Variants in PBX1 observed in about 807,000 individuals in gnomAD.
PBX1 encodes the protein PBX homeobox 1, also known as pre-B-cell leukemia transcription factor 1.
PBX1 carries 6 observed loss-of-function variants against 53.4 expected under a neutral mutation model. The observed-to-expected ratio is 0.11, with a 90% CI of 0.06 to 0.22. The LOEUF is 0.22. Among genes scored for constraint, PBX1 ranks in the 10% least tolerant of loss-of-function variants. The probability of loss-of-function intolerance (pLI) is 1.00; values close to 1 mark genes in which losing one functional copy is unlikely to be tolerated. For synonymous variants in PBX1, 204 were observed against 212.3 expected, an observed-to-expected ratio of 0.96 and a Z score of 0.34; for missense variants, 251 against 551.4, an observed-to-expected ratio of 0.46 and a Z score of 5.46.
chr1:164,691,972 A>T (rs1019430342), intron 2 of PBX1, among the ~76,000 whole-genome samples: 3 of 152,232 alleles, frequency 2.0e-5, no homozygotes, highest in Non-Finnish European at 4.4e-5. Context: ...CTGTGTGTAA[A>T]CTATATGAGA....
chr1:164,848,610 T>C lies in PBX1; in HGVS notation c.*1934T>C, dbSNP rs1194517497. The stretch of plus-strand genomic sequence containing the variant: ...GATCTTCTTGGTTTTGGTCTGTCTC[T>C]TTTCTTAGGATAAAGAAAAACTTCC... On this transcript the variant is annotated 3_prime_UTR_variant, in exon 9 of 9. Coordinates refer to ENST00000420696, the MANE Select transcript of PBX1 (RefSeq NM_002585.4). 9.5e-7 allele frequency: 1 copy of C among 1,057,444 alleles called. No homozygotes were observed. Among genetic ancestry groups the C allele is most frequent in the African/African-American group, 1.6e-5 (1 of 60,654 alleles). 65.5% of individuals were successfully genotyped at this position (1,057,444 alleles called of 1,614,324 possible).
chr1:164,770,454 T>C (rs547304406), intron 2 of PBX1: 1 of 152,364 alleles, frequency 6.6e-6, no homozygotes, highest in South Asian at 2.1e-4. Flanking sequence ...TTCTTGACCA[T>C]TGCAGGCTAG....
At chr1:164,772,656 C>T (rs1051500685) in intron 2 of PBX1, among the ~76,000 whole-genome samples, 2 of 152,186 alleles carry the variant, frequency 1.3e-5, no homozygotes, top group African/African-American at 2.4e-5. Flanking sequence ...CCTCCTTACA[C>T]CTTAAAAGGG....
chr1:164,714,973 G>A (rs1413340535), intron 2 of PBX1, among the ~76,000 whole-genome samples: 3 of 150,706 alleles, frequency 2.0e-5, no homozygotes, highest in Admixed American at 1.3e-4. Context: ...CCATGCCACT[G>A]TTTATTCATC....
intron 2 of PBX1, among the ~76,000 whole-genome samples, chr1:164,655,552 G>C (rs181480726): frequency 1.3e-5 from 2 of 152,256 alleles, no homozygotes; most frequent in East Asian, 3.9e-4. Context: ...AATCTTCCAA[G>C]GATGACCACC....
chr1:164,753,755 T>C (rs1666347410), intron 2 of PBX1, among the ~76,000 whole-genome samples: 1 of 152,214 alleles, frequency 6.6e-6, no homozygotes, highest in African/African-American at 2.4e-5. Context: ...TGGATTGCTC[T>C]GTTACTCCTC....
chr1:164,584,958 C>G (rs970828616), intron 2 of PBX1, among the ~76,000 whole-genome samples: 8 of 152,122 alleles, frequency 5.3e-5, no homozygotes, highest in African/African-American at 1.9e-4. Flanking sequence ...CAGTTTTCCT[C>G]CCATCAGATG....
chr1:164,672,297 C>G (rs940420227), intron 2 of PBX1, among the ~76,000 whole-genome samples: 3 of 152,174 alleles, frequency 2.0e-5, no homozygotes, highest in African/African-American at 7.2e-5. Context: ...CCAGTAATCT[C>G]TCGACCCCAT....
At chr1:164,784,136 T>TCCTGGC (rs1204046816) in intron 2 of PBX1, among the ~76,000 whole-genome samples, 1 of 152,190 alleles carries the variant, frequency 6.6e-6, no homozygotes, top group Non-Finnish European at 1.5e-5. Context: ...CTGGTCCTGG[T>TCCTGGC]CCTGGCCTTC....
At chr1:164,689,121 C>T (rs1228993861) in intron 2 of PBX1, among the ~76,000 whole-genome samples, 1 of 152,226 alleles carries the variant, frequency 6.6e-6, no homozygotes, top group East Asian at 1.9e-4. Flanking sequence ...TTAATGTCCC[C>T]TCATTGCTGG....
chr1:164,571,873 G>GTGTATA (rs1252010429), intron 2 of PBX1, among the ~76,000 whole-genome samples: 11 of 29,896 alleles, frequency 3.7e-4, no homozygotes, highest in African/African-American at 7.8e-4. Context: ...TCTGTACATT[G>GTGTATA]TATATATATA....
intron 2 of PBX1, among the ~76,000 whole-genome samples, chr1:164,791,571 G>T (rs904203187): frequency 8.5e-5 from 13 of 152,298 alleles, no homozygotes; most frequent in African/African-American, 3.1e-4. Context: ...CGTTCCACAT[G>T]TACTGGATTT....
At chr1:164,708,680 T>G (rs1320172720) in intron 2 of PBX1, among the ~76,000 whole-genome samples, 1 of 152,226 alleles carries the variant, frequency 6.6e-6, no homozygotes, top group Non-Finnish European at 1.5e-5. Context: ...GTTAAATCAC[T>G]TAGGATAATG....
downstream of PBX1, among the ~76,000 whole-genome samples, chr1:164,852,047 G>T (rs1671865405): frequency 6.6e-6 from 1 of 152,142 alleles, no homozygotes; most frequent in African/African-American, 2.4e-5. Context: ...AACAATAGCT[G>T]TATTACAGAG....
chr1:164,738,035 G>A (rs1352056049), intron 2 of PBX1, among the ~76,000 whole-genome samples: 1 of 152,022 alleles, frequency 6.6e-6, no homozygotes, highest in Non-Finnish European at 1.5e-5. Context: ...CTTTTCATGT[G>A]TAATCTAAAA....
At chr1:164,860,097 T>C (rs986343250) in intron 2 of PBX1, among the ~76,000 whole-genome samples, 5 of 152,172 alleles carry the variant, frequency 3.3e-5, no homozygotes, top group African/African-American at 9.7e-5. Context: ...CTTCAAATCA[T>C]CTAGCTTCAA....
At chr1:164,613,508 TC>T (rs1254614072) in intron 2 of PBX1, among the ~76,000 whole-genome samples, 1 of 152,094 alleles carries the variant, frequency 6.6e-6, no homozygotes, top group Non-Finnish European at 1.5e-5. Flanking sequence ...TTCCTAACTT[TC>T]TCCAGGCTCT....
chr1:164,764,879 T>C (rs1204071756), intron 2 of PBX1, among the ~76,000 whole-genome samples: 1 of 152,196 alleles, frequency 6.6e-6, no homozygotes, highest in Non-Finnish European at 1.5e-5. Context: ...TGTTGGAACA[T>C]TTGCAATGAC....
At chr1:164,669,237 A>G (rs1031065914) in intron 2 of PBX1, among the ~76,000 whole-genome samples, 1 of 152,148 alleles carries the variant, frequency 6.6e-6, no homozygotes, top group African/African-American at 2.4e-5. Context: ...ATGATTCTAT[A>G]TGAGCAATTG....
Sources: gnomAD v4.1 joint callset for allele counts (sites outside exome capture counted in the v4.1 genomes callset) on GRCh38, gnomAD v4.1.1 for gene constraint, MANE v1.5 for transcripts, NCBI Gene and HGNC (gene_info 2026-07-23, HGNC 2026-07-21) for gene names.